Variants in JPH1 observed in about 807,000 individuals in gnomAD.
JPH1 encodes the protein junctophilin 1.
A neutral mutation model predicts 53.6 loss-of-function variants in JPH1; 12 were observed. That is an observed-to-expected ratio of 0.22 (90% CI 0.14 to 0.36). The LOEUF (loss-of-function observed/expected upper bound fraction) is 0.36. Ranked by LOEUF, JPH1 falls within the 10% of genes least tolerant of loss-of-function variation. The probability of loss-of-function intolerance (pLI) is 1.00; values close to 1 mark genes in which losing one functional copy is unlikely to be tolerated. For missense variants in JPH1, 808 were observed against 905.5 expected (o/e 0.89, Z 1.38); for synonymous variants, 375 against 363.8 (o/e 1.03, Z -0.35).
rs537425523 is a variant in JPH1 at position 74,306,892 on chromosome 8, C to T, written c.1139+7969G>A. ...GATTAGGGATGTGAGCCACCACGCC[C>T]GGCCTACACTAACATACTTAATATA... On this transcript the variant is annotated intron_variant, in intron 2 of 5. Coordinates refer to ENST00000342232, the MANE Select transcript of JPH1 (RefSeq NM_020647.4). 1.9e-4 allele frequency among the ~76,000 whole-genome samples: 29 copies of T among 151,782 alleles called. No homozygotes were observed. In the South Asian group the frequency reaches 6.1e-3, roughly 32 times the overall value.
chr8:74,252,095 G>T (rs988990940), intron 3 of JPH1, among the ~76,000 whole-genome samples: 2 of 152,124 alleles, frequency 1.3e-5, no homozygotes, highest in Non-Finnish European at 1.5e-5. Context: ...TTAATAAATG[G>T]TGCTGGGAAA....
intron 2 of JPH1, among the ~76,000 whole-genome samples, chr8:74,275,215 G>A (rs1032433067): frequency 1.2e-4 from 18 of 152,106 alleles, no homozygotes; most frequent in African/African-American, 4.3e-4. Flanking sequence ...ACACAGGAGG[G>A]ACCATTCACA....
At chr8:74,272,600 CTTTTTTTTTTT>C (rs765158506) in intron 2 of JPH1, among the ~76,000 whole-genome samples, 1 of 112,684 alleles carries the variant, frequency 8.9e-6, no homozygotes, top group African/African-American at 3.3e-5. Context: ...ACCCTTAGTT[CTTTTTTTTTTT>C]TTTTTTTTTT....
At position 74,321,299 on chromosome 8, in the gene JPH1, C is replaced by T. The variant is rs1241624178; in HGVS notation, c.-12G>A. On this transcript the variant is annotated 5_prime_UTR_variant, in exon 1 of 6. Transcript: ENST00000342232. The surrounding 1 kb of genome is among the most constrained non-coding windows in gnomAD (Gnocchi z 4.3). ...CTTCCGCCCGTCATTCGGGGGGCAGCCCCGGCGCGCTCCCCGCAGGGGCAC... is the reference window on the plus strand; with the variant it reads ...CTTCCGCCCGTCATTCGGGGGGCAGTCCCGGCGCGCTCCCCGCAGGGGCAC... 5.2e-6 allele frequency: 8 copies of T among 1,535,134 alleles called. No homozygotes were observed. Among genetic ancestry groups the T allele is most frequent in the Admixed American group, 3.9e-5 (2 of 51,588 alleles).
At chr8:74,260,271 G>A (rs557353698) in intron 2 of JPH1, among the ~76,000 whole-genome samples, 3 of 152,310 alleles carry the variant, frequency 2.0e-5, no homozygotes, top group Admixed American at 6.5e-5. Context: ...TCCCTGGCCT[G>A]TCCTCACTCA....
intron 2 of JPH1, among the ~76,000 whole-genome samples, chr8:74,261,216 A>G (rs1391793276): frequency 6.6e-6 from 1 of 152,230 alleles, no homozygotes; most frequent in Admixed American, 6.5e-5. Flanking sequence ...CAACACAAAC[A>G]GTGAATGAAG....
Position 74,244,815 on chromosome 8 carries a change from T to C in JPH1, c.1619A>G (p.Asn540Ser), listed in dbSNP as rs1259593123. 1 of 1,613,792 alleles carries C rather than the reference T, an allele frequency of 6.2e-7. No homozygotes were observed. ...SKYSGRHHIP[N>S]PSNGELHSQY... ...AGAATGCAGCTCCCCGTTACTGGGG[T>C]TGGGGATGTGGTGGCGGCCAGAGTA... The change falls in exon 4 of 6, where the codon AAC becomes AGC. Residue 540 changes from asparagine (N) to serine (S), a missense_variant. Asn to Ser is a conservative substitution (Grantham distance 46). Transcript: ENST00000342232.
chr8:74,270,805 T>C (rs1806675989), intron 2 of JPH1, among the ~76,000 whole-genome samples: 1 of 152,158 alleles, frequency 6.6e-6, no homozygotes. Context: ...ACTTGGGATA[T>C]TCCTGACCAG....
At chr8:74,319,935 T>C (rs1022503776) in intron 1 of JPH1, among the ~76,000 whole-genome samples, 2 of 152,260 alleles carry the variant, frequency 1.3e-5, no homozygotes, top group African/African-American at 4.8e-5. Flanking sequence ...CTTTTCCTAA[T>C]AAAAGAGGAA....
intron 3 of JPH1, among the ~76,000 whole-genome samples, chr8:74,254,922 A>G (rs1473672286): frequency 7.2e-5 from 11 of 152,346 alleles, no homozygotes; most frequent in South Asian, 2.1e-4. Context: ...AGAACATTCC[A>G]TGCTCATGGG....
intron 2 of JPH1, among the ~76,000 whole-genome samples, chr8:74,299,375 A>G (rs1310148763): frequency 6.6e-6 from 1 of 152,166 alleles, no homozygotes. Flanking sequence ...TTCTCTGCAC[A>G]CCACGAACTA....
intron 2 of JPH1, among the ~76,000 whole-genome samples, chr8:74,312,053 C>G (rs899492483): frequency 3.9e-5 from 6 of 152,054 alleles, no homozygotes; most frequent in Non-Finnish European, 7.4e-5. Context: ...CCTCCAAAAA[C>G]AAGTTACAAA....
intron 4 of JPH1, among the ~76,000 whole-genome samples, chr8:74,241,429 G>T (rs546636802): frequency 1.3e-5 from 2 of 152,314 alleles, no homozygotes; most frequent in East Asian, 3.9e-4. Context: ...GACTGGGACA[G>T]GTGTAATACA....
intron 3 of JPH1, among the ~76,000 whole-genome samples, chr8:74,257,229 A>G (rs1170670798): frequency 6.6e-6 from 1 of 152,230 alleles, no homozygotes; most frequent in Non-Finnish European, 1.5e-5. Flanking sequence ...TGATGTATTC[A>G]TTCCTGACGG....
At chr8:74,272,667 G>A (rs900423204) in intron 2 of JPH1, among the ~76,000 whole-genome samples, 4 of 147,792 alleles carry the variant, frequency 2.7e-5, no homozygotes, top group Non-Finnish European at 4.5e-5. Context: ...GCAGTGGCGC[G>A]ATCTCGACTC....
In JPH1 at chr8:74,244,441, T is replaced by A. The variant is rs116551780; in HGVS notation, c.1905+88A>T. On this transcript the variant is annotated intron_variant, in intron 4 of 5. Coordinates refer to ENST00000342232, the MANE Select transcript of JPH1 (RefSeq NM_020647.4). ...CTTCTAGAACCTTGGTTAGCCTGGC[T>A]GTGATCAAGATGCACAGTCACCCCA... is the stretch of plus-strand genomic sequence containing the variant. 1,364 of 1,397,810 alleles carry A rather than the reference T, an allele frequency of 9.8e-4. 12 individuals are homozygous for A. In the African/African-American group the frequency reaches 0.017, roughly 18 times the overall value. The allele number at this position is 1,397,810 out of a possible 1,614,324, so 86.6% of individuals were successfully genotyped here.
intron 2 of JPH1, among the ~76,000 whole-genome samples, chr8:74,305,132 C>T (rs1322588710): frequency 2.6e-5 from 4 of 152,210 alleles, no homozygotes; most frequent in Admixed American, 6.5e-5. Context: ...ACACAATGTT[C>T]ATATTTCATC....
rs576040294 is a variant in JPH1, at chr8:74,320,188, T to C, written c.379+721A>G. On this transcript the variant is annotated intron_variant, in intron 1 of 5. Transcript: ENST00000342232. The surrounding 1 kb of genome is among the most constrained non-coding windows in gnomAD (Gnocchi z 4.4). ...TCTAAAATATCTTCCTAGTAATTTG[T>C]CCAAGATCTCCAGGTCAGCAAAGAC... Among the ~76,000 whole-genome samples the C allele has an allele frequency of 6.6e-6, 1 of 152,296 alleles. No individual in the cohort carries two copies. The highest frequency in any genetic ancestry group is 2.1e-4 in the South Asian group (1 of 4,820).
At position 74,315,611 on chromosome 8, in the gene JPH1, T is replaced by C; in HGVS notation, c.389A>G (p.Gln130Arg). The change falls in exon 2 of 6, where the codon CAG becomes CGG. Residue 130 changes from glutamine to arginine, a missense_variant. Around this residue, in one of 2 missense-constraint regions of JPH1, gnomAD observed 756 missense variants for 811.9 expected, o/e 0.93. Transcript: ENST00000342232. This position sits in a 1 kb window ranked among gnomAD's most constrained non-coding sequence, Gnocchi z 6.3. ...VETYGDGGTYQGQWAGGMRHG... is the reference protein window; with the variant it reads ...VETYGDGGTYRGQWAGGMRHG... ...CCGCATGCCTCCGGCCCACTGGCCC[T>C]GGTAGGTACCTTGGAGAGACCGCAA... 1 of 1,599,328 alleles carries C rather than the reference T, an allele frequency of 6.3e-7. No homozygotes were observed. The highest frequency in any genetic ancestry group is 1.1e-5 in the South Asian group (1 of 90,274).
Sources: allele counts gnomAD v4.1 joint callset (sites outside exome capture counted in the v4.1 genomes callset), GRCh38; gene constraint gnomAD v4.1.1; regional missense constraint gnomAD v4.1.1; non-coding constraint Gnocchi (gnomAD v3.1); transcripts MANE v1.5; gene names NCBI Gene and HGNC (gene_info 2026-07-23, HGNC 2026-07-21).